Variants in SPHKAP observed in about 807,000 individuals in gnomAD.
The protein encoded by SPHKAP is A-kinase anchor protein SPHKAP.
In SPHKAP, 67 loss-of-function variants were observed where a neutral mutation model predicts 137.5. The observed-to-expected ratio is 0.49, with a 90% CI of 0.40 to 0.60. The LOEUF (loss-of-function observed/expected upper bound fraction) is 0.60, where lower values mean the gene tolerates loss of function less well. Among genes scored for constraint, SPHKAP ranks in the 20% least tolerant of loss-of-function variants. The probability of loss-of-function intolerance (pLI) is 0.00; values close to 1 mark genes in which losing one functional copy is unlikely to be tolerated. For missense variants in SPHKAP, 2,097 were observed against 2,069.3 expected (o/e 1.01, Z -0.26); for synonymous variants, 813 against 785.3 (o/e 1.04, Z -0.59).
chr2:228,093,492 T>C (rs1485708037), intron 3 of SPHKAP, among the ~76,000 whole-genome samples: 2 of 152,094 alleles, frequency 1.3e-5, no homozygotes, highest in South Asian at 4.1e-4. Context: ...CTTGAAAATA[T>C]GCTAAGTGAA....
At position 228,179,110 on chromosome 2, in the gene SPHKAP, T is replaced by A. The variant is rs1212011627; in HGVS notation, c.32+2457A>T. Among the ~76,000 whole-genome samples, 5 of 152,200 alleles carry A rather than the reference T, an allele frequency of 3.3e-5. No individual in the cohort carries two copies. The East Asian group carries it at 9.6e-4, about 29-fold the overall frequency. ...AAAATATATTCTATAATTAACTCAA[T>A]GTTATTAAATCATTTTGTTTTCTCT... On this transcript the variant is annotated intron_variant, in intron 1 of 11. Transcript: ENST00000392056.
intron 3 of SPHKAP, among the ~76,000 whole-genome samples, chr2:228,048,207 C>G (rs944714642): frequency 6.6e-6 from 1 of 152,108 alleles, no homozygotes; most frequent in Admixed American, 6.6e-5. Context: ...AAAAGATTTC[C>G]ACAAGGTTAG....
chr2:228,087,837 C>CAG (rs1245723763), intron 3 of SPHKAP, among the ~76,000 whole-genome samples: 2 of 151,816 alleles, frequency 1.3e-5, no homozygotes, highest in Admixed American at 6.6e-5. Flanking sequence ...ATGGGAATAT[C>CAG]AGAGAGAGAG....
At chr2:227,993,341 TTGAAACCCAGAAA>T (rs1157981704) in intron 9 of SPHKAP, among the ~76,000 whole-genome samples, 180 bp downstream of exon 9, 1 of 152,188 alleles carries the variant, frequency 6.6e-6, no homozygotes, top group African/African-American at 2.4e-5. Context: ...GGGGGCAGAT[TTGAAACCCAGAAA>T]GCAGGTGGTG....
intron 3 of SPHKAP, among the ~76,000 whole-genome samples, chr2:228,056,962 T>C (rs1696468946): frequency 1.3e-5 from 2 of 152,200 alleles, no homozygotes. Flanking sequence ...TCTGACTTGT[T>C]GAATGGACTG....
intron 7 of SPHKAP, among the ~76,000 whole-genome samples, 193 bp downstream of exon 7, chr2:228,016,213 C>T (rs1156377398): frequency 6.6e-6 from 1 of 150,942 alleles, no homozygotes; most frequent in African/African-American, 2.4e-5. Flanking sequence ...GCACAACGTG[C>T]ATGTTTGTTA....
intron 2 of SPHKAP, among the ~76,000 whole-genome samples, chr2:228,130,350 T>C (rs932595567): frequency 1.6e-4 from 24 of 152,320 alleles, no homozygotes; most frequent in Admixed American, 1.6e-3. Flanking sequence ...GATCTTTATT[T>C]TGAGTGCATG....
chr2:228,113,405 C>T (rs543960867), intron 2 of SPHKAP, among the ~76,000 whole-genome samples: 12 of 152,102 alleles, frequency 7.9e-5, no homozygotes, highest in South Asian at 6.2e-4. Flanking sequence ...CCTAAGTGCC[C>T]GATAGGCATT....
rs1198319778 is a variant in SPHKAP, at chr2:228,020,070, C to G, written c.784G>C (p.Glu262Gln). Residue 262 changes from glutamate to glutamine, a missense_variant, in exon 7 of 12, where the codon GAA (glutamate) becomes CAA (glutamine). Physicochemically the swap from Glu to Gln is conservative, Grantham distance 29 (BLOSUM62 2). Coordinates refer to ENST00000392056, the MANE Select transcript of SPHKAP (RefSeq NM_001142644.2). ...ATQVEWNCNK[E>Q]KWLYALEDKY... ...TCTTCCAAAGCATAAAGCCACTTTTCCTTGTTGCAATTCCATTCCACCTGG... is the reference window on the plus strand; with the variant it reads ...TCTTCCAAAGCATAAAGCCACTTTTGCTTGTTGCAATTCCATTCCACCTGG... 1 of 1,614,162 alleles carries G rather than the reference C, an allele frequency of 6.2e-7. No homozygotes were observed. The highest frequency in any genetic ancestry group is 1.3e-5 in the African/African-American group (1 of 75,042).
At chr2:228,115,567 A>G (rs143664110) in intron 2 of SPHKAP, among the ~76,000 whole-genome samples, 2 of 152,262 alleles carry the variant, frequency 1.3e-5, no homozygotes, top group East Asian at 1.9e-4. Flanking sequence ...TCTTTCAATT[A>G]CTTAAAAAAT....
Position 228,145,500 on chromosome 2 carries a change from G to T in SPHKAP, c.33-13415C>A, listed in dbSNP as rs79215368. On this transcript the variant is annotated intron_variant, in intron 1 of 11. Transcript: ENST00000392056. The stretch of plus-strand genomic sequence containing the variant: ...AGAGTTGGGAGGATAAGCTTGCCCA[G>T]GTGATTTTGGCTCCCATTTTGGCAG... Among the ~76,000 whole-genome samples the T allele has an allele frequency of 2.6e-4, 40 of 152,200 alleles. No homozygotes were observed. The East Asian group carries it at 7.5e-3, about 29-fold the overall frequency.
In SPHKAP at chr2:228,144,931, C is replaced by T. The variant is rs899994685; in HGVS notation, c.33-12846G>A. Among the ~76,000 whole-genome samples the T allele has an allele frequency of 4.6e-5, 7 of 152,300 alleles. No homozygotes were observed. The East Asian group carries it at 5.8e-4, about 13-fold the overall frequency. ...CCTTAAAGCCAAAGATAACATCCCA[C>T]GGCAAAAGCTTTAGTCCTGACTGAG... On this transcript the variant is annotated intron_variant, in intron 1 of 11. Transcript: ENST00000392056.
At chr2:228,045,303 G>A (rs996112010) in intron 3 of SPHKAP, among the ~76,000 whole-genome samples, 9 of 148,128 alleles carry the variant, frequency 6.1e-5, no homozygotes, top group African/African-American at 2.0e-4. Flanking sequence ...GCACACGTAT[G>A]TTTATTGCAG....
intron 1 of SPHKAP, among the ~76,000 whole-genome samples, chr2:228,152,820 A>C (rs1438329957): frequency 6.6e-6 from 1 of 152,012 alleles, no homozygotes; most frequent in African/African-American, 2.4e-5. Flanking sequence ...GGTAAGTACA[A>C]GGATCTTAGA....
intron 1 of SPHKAP, among the ~76,000 whole-genome samples, chr2:228,146,741 T>C (rs977673744): frequency 1.3e-5 from 2 of 152,238 alleles, no homozygotes; most frequent in African/African-American, 2.4e-5. Flanking sequence ...CCTTGTTCTT[T>C]GTTAACGACT....
At chr2:228,013,554 C>G (rs1377114997) in intron 7 of SPHKAP, among the ~76,000 whole-genome samples, 3 of 152,126 alleles carry the variant, frequency 2.0e-5, no homozygotes, top group Non-Finnish European at 2.9e-5. Flanking sequence ...TTTTAAGATA[C>G]TTCTTTCGGA....
intron 11 of SPHKAP, among the ~76,000 whole-genome samples, chr2:227,988,915 TAGAATAATTTTGGGTAGAACAGC>T (rs1299696007): frequency 6.6e-6 from 1 of 152,124 alleles, no homozygotes; most frequent in African/African-American, 2.4e-5. Context: ...GGAAGGTGCC[TAGAATAATTTTGGGTAGAACAGC>T]AGGCAGACAT....
At chr2:228,020,890 T>G (rs1694817646) in intron 6 of SPHKAP, among the ~76,000 whole-genome samples, 1 of 151,918 alleles carries the variant, frequency 6.6e-6, no homozygotes. Context: ...AAGTAGGAGA[T>G]GTTTGAGGGC....
chr2:228,144,333 T>A (rs956867925), intron 1 of SPHKAP, among the ~76,000 whole-genome samples: 2 of 152,200 alleles, frequency 1.3e-5, no homozygotes, highest in African/African-American at 2.4e-5. Flanking sequence ...AGATTATAAA[T>A]TTCATGAATG....
Sources: allele counts gnomAD v4.1 joint callset (sites outside exome capture counted in the v4.1 genomes callset), GRCh38; gene constraint gnomAD v4.1.1; transcripts MANE v1.5; gene names NCBI Gene and HGNC (gene_info 2026-07-23, HGNC 2026-07-21).